Variants in MGAT5 observed in about 807,000 individuals in gnomAD.
MGAT5 encodes alpha-1,6-mannosylglycoprotein 6-beta-N-acetylglucosaminyltransferase.
A neutral mutation model predicts 94.3 loss-of-function variants in MGAT5; 30 were observed. The observed-to-expected ratio is 0.32, with a 90% CI of 0.24 to 0.43. The LOEUF (loss-of-function observed/expected upper bound fraction) is 0.43. Among genes scored for constraint, MGAT5 ranks in the 20% least tolerant of loss-of-function variants. The pLI, the probability that MGAT5 is intolerant of heterozygous loss-of-function variation, is 1.00. For missense variants in MGAT5, 691 were observed against 905.5 expected (o/e 0.76, Z 3.04); for synonymous variants, 310 against 322.9 (o/e 0.96, Z 0.43).
At chr2:134,364,538 C>T (rs1006948554) in intron 10 of MGAT5, among the ~76,000 whole-genome samples, 3 of 151,938 alleles carry the variant, frequency 2.0e-5, no homozygotes, top group African/African-American at 7.3e-5. Flanking sequence ...AACCATGTTG[C>T]TCAAGTGATC....
At chr2:134,139,754 C>G (rs1421940518) in intron 1 of MGAT5, among the ~76,000 whole-genome samples, 1 of 152,156 alleles carries the variant, frequency 6.6e-6, no homozygotes, top group East Asian at 1.9e-4. Context: ...ATACCAAAGA[C>G]TGTAAAACAG....
chr2:134,145,653 A>G (rs753811483), intron 1 of MGAT5, among the ~76,000 whole-genome samples: 1 of 152,232 alleles, frequency 6.6e-6, no homozygotes, highest in Non-Finnish European at 1.5e-5. Context: ...AGGCCCTGAG[A>G]CAGGTTGACC....
intron 15 of MGAT5, among the ~76,000 whole-genome samples, chr2:134,447,109 G>A (rs1685829545): frequency 6.6e-6 from 1 of 152,142 alleles, no homozygotes. Flanking sequence ...ACATAAACAT[G>A]CTCTACACAC....
At chr2:134,378,761 G>A (rs772830998) in intron 10 of MGAT5, among the ~76,000 whole-genome samples, 3 of 151,874 alleles carry the variant, frequency 2.0e-5, no homozygotes, top group Non-Finnish European at 4.4e-5. Context: ...GATAACAGGC[G>A]TGCACCACCA....
intron 12 of MGAT5, among the ~76,000 whole-genome samples, chr2:134,421,918 G>A (rs1480640481): frequency 1.3e-4 from 20 of 151,972 alleles, no homozygotes; most frequent in Admixed American, 1.2e-3. Context: ...CTGTAATCCC[G>A]GCAGTTTGGG....
At chr2:134,357,886 A>AT (rs1440942948) in intron 9 of MGAT5, among the ~76,000 whole-genome samples, 1 of 151,624 alleles carries the variant, frequency 6.6e-6, no homozygotes, top group Non-Finnish European at 1.5e-5. Flanking sequence ...GGAAAAAAAA[A>AT]AAAATCAGTT....
intron 1 of MGAT5, among the ~76,000 whole-genome samples, chr2:134,145,473 G>A (rs1295012051): frequency 6.6e-6 from 1 of 152,238 alleles, no homozygotes; most frequent in Non-Finnish European, 1.5e-5. Context: ...TTGAATTCAG[G>A]AGGTGGAGCC....
In MGAT5 at chr2:134,437,135, C is replaced by T. The variant is rs148350253; in HGVS notation, c.1870-4623C>T. 1.6e-3 allele frequency among the ~76,000 whole-genome samples: 242 copies of T among 152,238 alleles called. 2 individuals are homozygous for T. Among genetic ancestry groups the T allele is most frequent in the African/African-American group, 5.5e-3 (229 of 41,544 alleles). The stretch of plus-strand genomic sequence containing the variant: ...TCCTGGGTAGCTGGGATTACAGGCG[C>T]GCGCCACCATGCCTAGCAATTTTTT... On this transcript the variant is annotated intron_variant, in intron 14 of 15. Transcript: ENST00000281923.
chr2:134,313,028 C>T (rs1686775163), intron 2 of MGAT5, among the ~76,000 whole-genome samples: 1 of 142,454 alleles, frequency 7.0e-6, no homozygotes, highest in Non-Finnish European at 1.5e-5. Flanking sequence ...CCACAGACAG[C>T]AAGAAATAAA....
chr2:134,421,480 G>A (rs2106357089), intron 12 of MGAT5, among the ~76,000 whole-genome samples: 1 of 152,186 alleles, frequency 6.6e-6, no homozygotes, highest in African/African-American at 2.4e-5. Context: ...AGCTACTCAG[G>A]AGGCTGAAGC....
At chr2:134,353,842 T>C (rs1460560976) in intron 9 of MGAT5, among the ~76,000 whole-genome samples, 1 of 152,148 alleles carries the variant, frequency 6.6e-6, no homozygotes, top group Non-Finnish European at 1.5e-5. Flanking sequence ...TAAAGCAGTT[T>C]GATACCTTTA....
At chr2:134,222,602 C>G (rs751989802) in intron 1 of MGAT5, among the ~76,000 whole-genome samples, 1 of 152,276 alleles carries the variant, frequency 6.6e-6, no homozygotes, top group Non-Finnish European at 1.5e-5. Context: ...GACTTGTTAA[C>G]AGTAGACAAA....
Position 134,205,635 on chromosome 2 carries a change from A to G in MGAT5, c.-142-48627A>G, listed in dbSNP as rs183305066. Among the ~76,000 whole-genome samples, 33 of 152,266 alleles carry G rather than the reference A, an allele frequency of 2.2e-4. 1 individual carries two copies. The highest frequency in any genetic ancestry group is 2.2e-3 in the Admixed American group (33 of 15,298). On this transcript the variant is annotated intron_variant, in intron 1 of 16. Transcript: ENST00000409645. ...AGTGGAGCTCATGAGTGGCACATGG[A>G]TGTTTGGATCTGGACCTTGTTCAGT...
At chr2:134,352,469 T>G (rs1229646715) in intron 9 of MGAT5, among the ~76,000 whole-genome samples, 1 of 152,178 alleles carries the variant, frequency 6.6e-6, no homozygotes, top group East Asian at 1.9e-4. Context: ...TACTCCCTTT[T>G]ATATATGTCA....
intron 1 of MGAT5, among the ~76,000 whole-genome samples, chr2:134,166,418 T>G (rs1687967232): frequency 6.6e-6 from 1 of 152,266 alleles, no homozygotes; most frequent in African/African-American, 2.4e-5. Context: ...TCTGGGTTTC[T>G]GGGCATTTAT....
chr2:134,370,669 G>A (rs1680733682), intron 10 of MGAT5, among the ~76,000 whole-genome samples: 1 of 152,258 alleles, frequency 6.6e-6, no homozygotes, highest in East Asian at 1.9e-4. Context: ...ACCTGTGCCT[G>A]TTTTGTGCCT....
At chr2:134,206,492 G>T (rs764611316) in intron 1 of MGAT5, among the ~76,000 whole-genome samples, 7 of 152,142 alleles carry the variant, frequency 4.6e-5, no homozygotes, top group Non-Finnish European at 7.4e-5. Flanking sequence ...TGGCTTAAAA[G>T]AACATGTTTA....
intron 1 of MGAT5, among the ~76,000 whole-genome samples, chr2:134,130,198 GCCCGC>G (rs1232003327): frequency 1.9e-4 from 16 of 82,916 alleles, no homozygotes; most frequent in Non-Finnish European, 4.1e-4. Flanking sequence ...CCATGCTGGA[GCCCGC>G]CCCGCCCCAC....
intron 2 of MGAT5, among the ~76,000 whole-genome samples, chr2:134,276,638 T>C (rs1000650720): frequency 2.6e-5 from 4 of 152,232 alleles, no homozygotes; most frequent in African/African-American, 4.8e-5. Context: ...CAATGTTAAA[T>C]GAAGGAGTTT....
Sources: gnomAD v4.1 joint callset for allele counts (sites outside exome capture counted in the v4.1 genomes callset) on GRCh38, gnomAD v4.1.1 for gene constraint, MANE v1.5 for transcripts, NCBI Gene and HGNC (gene_info 2026-07-23, HGNC 2026-07-21) for gene names.